ESR1: variants seen among roughly 807,000 people sequenced by gnomAD.
ESR1 encodes the protein estrogen receptor.
Under a neutral mutation model 52.7 loss-of-function variants are expected in ESR1, and 12 were observed. That is an observed-to-expected ratio of 0.23 (90% CI 0.15 to 0.37). ESR1 has a LOEUF of 0.37. ESR1 is among the 10% of genes least tolerant of loss of function. The pLI, the probability that ESR1 is intolerant of heterozygous loss-of-function variation, is 1.00. For missense variants in ESR1, 584 were observed against 779.7 expected (o/e 0.75, Z 2.99); for synonymous variants, 305 against 316.8 (o/e 0.96, Z 0.39).
chr6:151,747,172 C>T (rs940595020), intron 2 of ESR1, among the ~76,000 whole-genome samples: 18 of 152,084 alleles, frequency 1.2e-4, no homozygotes, highest in African/African-American at 4.3e-4. Flanking sequence ...ATTAGTAGTT[C>T]ATAAATTGAA....
At chr6:151,747,770 A>G (rs572496090) in intron 2 of ESR1, among the ~76,000 whole-genome samples, 2 of 152,318 alleles carry the variant, frequency 1.3e-5, no homozygotes, top group Non-Finnish European at 2.9e-5. Context: ...TTCATTTAGT[A>G]TAGTGTTTTC....
intron 3 of ESR1, among the ~76,000 whole-genome samples, chr6:151,931,609 C>G (rs1351221711): frequency 7.9e-6 from 1 of 127,204 alleles, no homozygotes. Context: ...CCCCTCCCCC[C>G]ACCCCACAAC....
At chr6:151,681,289 C>T (rs1025862268) in intron 1 of ESR1, among the ~76,000 whole-genome samples, 2 of 152,034 alleles carry the variant, frequency 1.3e-5, no homozygotes, top group African/African-American at 4.8e-5. Flanking sequence ...TCTGGGGTTG[C>T]GCTGGAGTGT....
intron 5 of ESR1, among the ~76,000 whole-genome samples, chr6:152,040,284 C>T (rs536164568): frequency 6.6e-6 from 1 of 152,310 alleles, no homozygotes; most frequent in South Asian, 2.1e-4. Flanking sequence ...CCACTTTGTT[C>T]ATGGGCCTAT....
rs1198775977 is a variant in ESR1 at position 152,057,690 on chromosome 6, T to C, written c.1236-3301T>C. Among the ~76,000 whole-genome samples, 5 of 114,782 alleles carry C rather than the reference T, an allele frequency of 4.4e-5. No individual in the cohort carries two copies. In the East Asian group the frequency reaches 1.1e-3, roughly 25 times the overall value. The allele number at this position is 114,782 out of a possible 152,430, so 75.3% of individuals were successfully genotyped here. A position where few individuals can be genotyped will look rare whatever the true frequency, so the allele number is the denominator to read the frequency against. The stretch of plus-strand genomic sequence containing the variant: ...CACATTCCCTAAAGGAACATACACA[T>C]GCATACACACACACACACACACACA... On this transcript the variant is annotated intron_variant, in intron 5 of 7. Coordinates refer to ENST00000206249, the MANE Select transcript of ESR1 (RefSeq NM_000125.4).
intron 3 of ESR1, among the ~76,000 whole-genome samples, chr6:151,917,700 G>A (rs2030603551): frequency 6.6e-6 from 1 of 152,114 alleles, no homozygotes; most frequent in African/African-American, 2.4e-5. Context: ...GATGCTCCCT[G>A]CCTGGACTTC....
chr6:151,901,394 A>G (rs1269233627), intron 3 of ESR1, among the ~76,000 whole-genome samples: 1 of 152,082 alleles, frequency 6.6e-6, no homozygotes, highest in Non-Finnish European at 1.5e-5. Context: ...TAGGGCTTTC[A>G]TGCCTCCCTT....
rs1198338867 is a variant in ESR1 at position 152,053,912 on chromosome 6, G to A, written c.1236-7079G>A. ...TGTAAGTGTAGAAAATATATGTATA[G>A]GAATAATTGCACATTGTTTGTTGTA... On this transcript the variant is annotated intron_variant, in intron 5 of 7. Transcript: ENST00000206249. This position sits in a 1 kb window ranked among gnomAD's most constrained non-coding sequence, Gnocchi z 4.1. 6.6e-6 allele frequency among the ~76,000 whole-genome samples: 1 copy of A among 152,022 alleles called. No homozygotes were observed. The highest frequency in any genetic ancestry group is 1.5e-5 in the Non-Finnish European group (1 of 68,012).
chr6:151,985,984 T>G (rs185817011), intron 4 of ESR1, among the ~76,000 whole-genome samples: 36 of 152,292 alleles, frequency 2.4e-4, no homozygotes, highest in African/African-American at 7.7e-4. Flanking sequence ...GTTACAGCTT[T>G]TTAAGTGGAT....
chr6:151,807,580 A>G (rs1778076790), upstream of ESR1: 3 of 468,372 alleles, frequency 6.4e-6, no homozygotes, highest in South Asian at 2.2e-5. Flanking sequence ...GTTTAAGCCA[A>G]TGTCAGGGCA....
chr6:151,958,108 A>C (rs556459203), intron 4 of ESR1, among the ~76,000 whole-genome samples: 1 of 152,366 alleles, frequency 6.6e-6, no homozygotes, highest in African/African-American at 2.4e-5. Context: ...TACCTGGAAT[A>C]AATGAGTTCT....
Position 152,094,265 on chromosome 6 carries a change from TG to T in ESR1, c.1370-119del. The T allele has an allele frequency of 1.1e-6, 1 of 872,340 alleles. No individual in the cohort carries two copies. Among genetic ancestry groups the T allele is most frequent in the Non-Finnish European group, 2.0e-6 (1 of 508,702 alleles). The allele number at this position is 872,340 out of a possible 1,614,324, so 54.0% of individuals were successfully genotyped here. A position where few individuals can be genotyped will look rare whatever the true frequency, so the allele number is the denominator to read the frequency against. On this transcript the variant is annotated intron_variant, in intron 6 of 7. Coordinates refer to ENST00000206249, the MANE Select transcript of ESR1 (RefSeq NM_000125.4). The surrounding 1 kb of genome is among the most constrained non-coding windows in gnomAD (Gnocchi z 4.6). ...TTAAATGGGTCCAGAGCATCCCCAT[TG>T]CTAGACTACTGTGCTGAGGAAGGGC... is the stretch of plus-strand genomic sequence containing the variant.
intron 4 of ESR1, among the ~76,000 whole-genome samples, chr6:151,956,481 G>T: frequency 6.6e-6 from 1 of 152,190 alleles, no homozygotes; most frequent in East Asian, 1.9e-4. Context: ...GTAGCTAATT[G>T]TGTGCCAGGT....
At chr6:151,896,911 AATTTTCATCTTG>A (rs1447966661) in intron 3 of ESR1, among the ~76,000 whole-genome samples, 2 of 152,218 alleles carry the variant, frequency 1.3e-5, no homozygotes, top group Non-Finnish European at 2.9e-5. Context: ...AGAATTTTAA[AATTTTCATCTTG>A]ATTTCATTGT....
intron 3 of ESR1, among the ~76,000 whole-genome samples, chr6:151,904,264 G>A (rs1797114158): frequency 1.3e-5 from 2 of 152,292 alleles, no homozygotes; most frequent in African/African-American, 4.8e-5. Flanking sequence ...CCTTTAGGGA[G>A]TAGTAAAGCC....
At chr6:152,077,330 C>G (rs73618933) in intron 6 of ESR1, among the ~76,000 whole-genome samples, 3 of 152,080 alleles carry the variant, frequency 2.0e-5, no homozygotes, top group Admixed American at 6.5e-5. Flanking sequence ...TCAGAAGATA[C>G]GTGGAAATGC....
chr6:152,105,881 G>A (rs1425729588), downstream of ESR1, among the ~76,000 whole-genome samples: 828 of 134,114 alleles, frequency 6.2e-3, 8 homozygotes, highest in African/African-American at 0.022. Flanking sequence ...TCCGCTTCCC[G>A]GGTTCACGCC....
chr6:151,812,968 CA>C lies in ESR1; in HGVS notation c.452+4617del, dbSNP rs34387307. 8.5e-3 allele frequency among the ~76,000 whole-genome samples: 1,205 copies of C among 141,952 alleles called. 11 individuals carry two copies. The highest frequency in any genetic ancestry group is 0.032 in the Middle Eastern group (9 of 280). 93.1% of individuals were successfully genotyped at this position (141,952 alleles called of 152,430 possible). Reference sequence around the variant, plus strand: ...GTGAATTGACGTGTAATGTCACTTACAAAAAAAAAAAAAGTATGTCTGAGCT... The same window carrying C: ...GTGAATTGACGTGTAATGTCACTTACAAAAAAAAAAAAGTATGTCTGAGCT... On this transcript the variant is annotated intron_variant, in intron 1 of 7. Coordinates refer to ENST00000206249, the MANE Select transcript of ESR1 (RefSeq NM_000125.4).
chr6:151,819,156 C>T (rs1780150611), intron 1 of ESR1, among the ~76,000 whole-genome samples: 2 of 152,336 alleles, frequency 1.3e-5, no homozygotes, highest in African/African-American at 2.4e-5. Flanking sequence ...AGCTCAAATG[C>T]TATCCCTATC....
Sources: allele counts gnomAD v4.1 joint callset (sites outside exome capture counted in the v4.1 genomes callset), GRCh38; gene constraint gnomAD v4.1.1; non-coding constraint Gnocchi (gnomAD v3.1); transcripts MANE v1.5; gene names NCBI Gene and HGNC (gene_info 2026-07-23, HGNC 2026-07-21).